NCR3LG1: variants seen among roughly 807,000 people sequenced by gnomAD.
The protein encoded by NCR3LG1 is natural killer cell cytotoxicity receptor 3 ligand 1.
NCR3LG1 carries 35 observed loss-of-function variants against 34.8 expected under a neutral mutation model. The ratio of observed to expected loss-of-function variants is 1.01; its 90% CI spans 0.77 to 1.33. The LOEUF is 1.33. NCR3LG1 is among the 40% of genes most tolerant of loss of function. The probability of loss-of-function intolerance (pLI) is 0.00; values close to 1 mark genes in which losing one functional copy is unlikely to be tolerated. For synonymous variants in NCR3LG1, 173 were observed against 163.6 expected (o/e 1.06, Z -0.44); for missense variants, 452 against 423.3 (o/e 1.07, Z -0.60).
At chr11:17,357,466 GA>G (rs745314228) in intron 2 of NCR3LG1, among the ~76,000 whole-genome samples, 1 of 152,106 alleles carries the variant, frequency 6.6e-6, no homozygotes, top group Non-Finnish European at 1.5e-5. Flanking sequence ...GAGATACTGG[GA>G]ATTCTGGGAG....
Position 17,373,781 on chromosome 11 carries a change from G to C in NCR3LG1, c.*1269G>C, listed in dbSNP as rs1953442529. ...CAGGCCTTTTTAGTCATGCCTGAAA[G>C]TCCCACTCCTTTATTAGATAGAGAT... On this transcript the variant is annotated 3_prime_UTR_variant, in exon 5 of 5. Coordinates refer to ENST00000338965, the MANE Select transcript of NCR3LG1 (RefSeq NM_001202439.3). 1 of 148,382 alleles carries C rather than the reference G, an allele frequency of 6.7e-6. No individual in the cohort carries two copies. Among genetic ancestry groups the C allele is most frequent in the Non-Finnish European group, 1.5e-5 (1 of 66,350 alleles). The allele number at this position is 148,382 out of a possible 1,614,324, so 9.2% of individuals were successfully genotyped here. A position where few individuals can be genotyped will look rare whatever the true frequency, so the allele number is the denominator to read the frequency against.
At chr11:17,362,125 G>T (rs1007726011) in intron 2 of NCR3LG1, among the ~76,000 whole-genome samples, 2 of 152,184 alleles carry the variant, frequency 1.3e-5, no homozygotes, top group Non-Finnish European at 2.9e-5. Context: ...ATATTCTTTA[G>T]CAAGTTGAGG....
chr11:17,358,684 C>T (rs891321944), intron 2 of NCR3LG1, among the ~76,000 whole-genome samples: 1 of 152,134 alleles, frequency 6.6e-6, no homozygotes, highest in Non-Finnish European at 1.5e-5. Flanking sequence ...GGTGGAGTAT[C>T]TACATAATTT....
chr11:17,374,063 C>G lies in NCR3LG1; in HGVS notation c.*1551C>G, dbSNP rs538671293. The G allele has an allele frequency of 1.3e-5, 2 of 152,256 alleles. No individual in the cohort carries two copies. Among genetic ancestry groups the G allele is most frequent in the Non-Finnish European group, 2.9e-5 (2 of 68,008 alleles). 9.4% of individuals were successfully genotyped at this position (152,256 alleles called of 1,614,324 possible). On this transcript the variant is annotated 3_prime_UTR_variant, in exon 5 of 5. Transcript: ENST00000338965. ...CCTAAAGGCACAAGGCCTCCTTAGG[C>G]CTTGCAGTAGCCCTTGAAACACCCC...
chr11:17,354,903 CAT>C (rs1442233390), intron 1 of NCR3LG1, among the ~76,000 whole-genome samples: 2 of 152,042 alleles, frequency 1.3e-5, no homozygotes, highest in African/African-American at 4.8e-5. Context: ...AATGAAAGGA[CAT>C]GTTTGATGGC....
chr11:17,364,695 C>T (rs984155668), intron 2 of NCR3LG1, among the ~76,000 whole-genome samples: 4 of 151,938 alleles, frequency 2.6e-5, no homozygotes, highest in Non-Finnish European at 4.4e-5. Flanking sequence ...TACAGGCATG[C>T]GCCACCACCC....
rs1223455083 is a variant in NCR3LG1 at position 17,373,861 on chromosome 11, C to T, written c.*1349C>T. On this transcript the variant is annotated 3_prime_UTR_variant, in exon 5 of 5. Transcript: ENST00000338965. ...TATGGCTCCAGGACAAACTCCGCCT[C>T]CCCTTAGTGGAAACCAGTATTAACC... 1 of 152,234 alleles carries T rather than the reference C, an allele frequency of 6.6e-6. No homozygotes were observed. The allele number at this position is 152,234 out of a possible 1,614,324, so 9.4% of individuals were successfully genotyped here.
At chr11:17,377,783 C>T (rs1953490685), downstream of NCR3LG1, among the ~76,000 whole-genome samples, 1 of 152,220 alleles carries the variant, frequency 6.6e-6, no homozygotes, top group Non-Finnish European at 1.5e-5. Context: ...ACTATCGTGG[C>T]AGTGGTTCCT....
chr11:17,372,256 T>C lies in NCR3LG1; in HGVS notation c.1109T>C (p.Phe370Ser), dbSNP rs1953416520. 2 of 703,168 alleles carry C rather than the reference T, an allele frequency of 2.8e-6. No homozygotes were observed. The highest frequency in any genetic ancestry group is 4.0e-5 in the Admixed American group (2 of 50,028). The allele number at this position is 703,168 out of a possible 1,614,324, so 43.6% of individuals were successfully genotyped here. A position where few individuals can be genotyped will look rare whatever the true frequency, so the allele number is the denominator to read the frequency against. ...TCCGAGGTTCCTTATGTGCAAGCCT[T>C]CTTTGCCTTGCGAGACAACCCAGAT... is the stretch of plus-strand genomic sequence containing the variant. ...KWSEVPYVQAFFALRDNPDLC... is the reference protein window; with the variant it reads ...KWSEVPYVQASFALRDNPDLC... The change falls in exon 5 of 5, where the codon TTC becomes TCC. Residue 370 changes from phenylalanine (F) to serine (S), a missense_variant. Transcript: ENST00000338965.
intron 4 of NCR3LG1, among the ~76,000 whole-genome samples, chr11:17,370,915 A>T (rs1276107558): frequency 1.3e-5 from 2 of 152,218 alleles, no homozygotes; most frequent in East Asian, 3.8e-4. Context: ...GTGCCTTAGT[A>T]ACGAGGAATG....
chr11:17,367,276 T>A lies in NCR3LG1; in HGVS notation c.689T>A (p.Val230Glu). ...CCTGGGACTGTCTACCAGTGTGTGG[T>A]ACGGCATGCGTCCTTGCATACCCCC... The part of the protein sequence containing the change: ...EDPGTVYQCV[V>E]RHASLHTPLR... Residue 230 changes from valine (V) to glutamate (E), a missense_variant, in exon 3 of 5, where the codon GTA becomes GAA. Val to Glu is a moderately radical substitution (Grantham distance 121). Transcript: ENST00000338965. The A allele has an allele frequency of 6.5e-7, 1 of 1,536,234 alleles. No individual in the cohort carries two copies. The highest frequency in any genetic ancestry group is 8.7e-7 in the Non-Finnish European group (1 of 1,146,922).
downstream of NCR3LG1, chr11:17,381,081 T>A (rs1953510924): frequency 6.6e-6 from 1 of 152,068 alleles, no homozygotes; most frequent in Non-Finnish European, 1.5e-5. Context: ...TCATCCCCCC[T>A]GCCTTTCCTT....
In NCR3LG1 at chr11:17,377,078, A is replaced by C. The variant is rs1273965951; in HGVS notation, c.*4566A>C. On this transcript the variant is annotated 3_prime_UTR_variant, in exon 5 of 5. Transcript: ENST00000338965. ...TGATGCTTAGTAGTAGTGGCCTACA[A>C]ATCTGTGGGTGAACAGAACAGGAGA... 1 of 152,152 alleles carries C rather than the reference A, an allele frequency of 6.6e-6. No individual in the cohort carries two copies. The highest frequency in any genetic ancestry group is 1.5e-5 in the Non-Finnish European group (1 of 68,050). The allele number at this position is 152,152 out of a possible 1,614,324, so 9.4% of individuals were successfully genotyped here.
downstream of NCR3LG1, chr11:17,381,593 A>G (rs1216980160): frequency 1.3e-5 from 2 of 152,660 alleles, no homozygotes; most frequent in East Asian, 1.9e-4. Context: ...CCTTCCCTCA[A>G]TAATAATGGC....
chr11:17,353,599 C>A (rs886704353), intron 1 of NCR3LG1, among the ~76,000 whole-genome samples: 2 of 152,246 alleles, frequency 1.3e-5, no homozygotes, highest in Non-Finnish European at 2.9e-5. Context: ...GTCCCCGCCA[C>A]TTTCGTCCGG....
chr11:17,352,176 C>A, intron 1 of NCR3LG1, 137 bp downstream of exon 1: 1 of 474,066 alleles, frequency 2.1e-6, no homozygotes, highest in Non-Finnish European at 3.6e-6. Context: ...TATTTCTTCT[C>A]CTTTTTTTTT....
In NCR3LG1 at chr11:17,353,395, G is replaced by A. The variant is rs563627027; in HGVS notation, c.70+1356G>A. On this transcript the variant is annotated intron_variant, in intron 1 of 4. Coordinates refer to ENST00000338965, the MANE Select transcript of NCR3LG1 (RefSeq NM_001202439.3). ...AAGCCAAAATTGCGCTTGTCTCCGC[G>A]CTGCGGACTTGAAACGCCTGTCACT... Among the ~76,000 whole-genome samples the A allele has an allele frequency of 4.0e-5, 6 of 151,848 alleles. No homozygotes were observed. The East Asian group carries it at 1.2e-3, about 29-fold the overall frequency.
intron 1 of NCR3LG1, among the ~76,000 whole-genome samples, chr11:17,356,136 C>CTTTTTTT (rs71457872): frequency 2.9e-5 from 3 of 104,562 alleles, no homozygotes; most frequent in Non-Finnish European, 5.3e-5. Context: ...TTCTTTCTTT[C>CTTTTTTT]TTTTTTTTTT....
chr11:17,380,246 C>T (rs575418012), downstream of NCR3LG1, among the ~76,000 whole-genome samples: 20 of 152,274 alleles, frequency 1.3e-4, no homozygotes, highest in African/African-American at 4.8e-4. Context: ...GCATGTTCTG[C>T]ATGGGTTTTC....
Sources: gnomAD v4.1 joint callset for allele counts (sites outside exome capture counted in the v4.1 genomes callset) on GRCh38, gnomAD v4.1.1 for gene constraint, MANE v1.5 for transcripts, NCBI Gene and HGNC (gene_info 2026-07-23, HGNC 2026-07-21) for gene names.